The following RABGGTA variants were observed in gnomAD, a reference collection of about 807,000 sequenced individuals.
The protein encoded by RABGGTA is geranylgeranyl transferase type-2 subunit alpha.
Under a neutral mutation model 83.3 loss-of-function variants are expected in RABGGTA, and 69 were observed. That is an observed-to-expected ratio of 0.83 (90% CI 0.68 to 1.01). The LOEUF is 1.01. Ranked by LOEUF, RABGGTA falls within the 50% of genes least tolerant of loss-of-function variation. The pLI is 0.00. For synonymous variants in RABGGTA, 310 were observed against 299.8 expected, an observed-to-expected ratio of 1.03 and a Z score of -0.35; for missense variants, 681 against 712.7, an observed-to-expected ratio of 0.96 and a Z score of 0.51.
rs767631606 is a variant in RABGGTA, at chr14:24,270,327, T to C, written c.239+7A>G. On this transcript the variant is annotated splice_region_variant and intron_variant, in intron 4 of 16. Transcript: ENST00000216840. ...GCAGTCTTCTGAGATCCTGAATCCC[T>C]ACGCACTTCTGAGTCTCCAGCTGCT... 2 of 1,613,048 alleles carry C rather than the reference T, an allele frequency of 1.2e-6. No homozygotes were observed. Among genetic ancestry groups the C allele is most frequent in the East Asian group, 4.5e-5 (2 of 44,840 alleles).
In RABGGTA at chr14:24,267,729, C is replaced by T. The variant is rs1284125565; in HGVS notation, c.1284G>A (p.Lys428=). Residue 428 remains lysine, a synonymous_variant, in exon 14 of 17, where the codon AAG becomes AAA. Transcript: ENST00000216840. The part of the protein sequence containing the change: ...RATYLDDLRS[K]FLLENSVLKM... ...TGAGCACGCTATTCTCCAGCAAGAA[C>T]TTGCTGCGCAGGTCATCCAGATACG... 1.9e-6 allele frequency: 3 copies of T among 1,612,040 alleles called. No individual in the cohort carries two copies. The highest frequency in any genetic ancestry group is 1.7e-6 in the Non-Finnish European group (2 of 1,179,854).
chr14:24,268,977 T>C lies in RABGGTA; in HGVS notation c.732A>G (p.Ala244=). Residue 244 remains alanine, a synonymous_variant, in exon 8 of 17, where the codon GCA becomes GCG. Transcript: ENST00000216840. ...WLLGRADPQD[A]LRCLHVSRDE... is the part of the protein sequence containing the mutation. ...CCCGGCTCACATGCAGGCAGCGCAG[T>C]GCATCCTGGGGGTCAGCTGCGGGGA... 5 of 1,586,858 alleles carry C rather than the reference T, an allele frequency of 3.2e-6. No individual in the cohort carries two copies. Among genetic ancestry groups the C allele is most frequent in the Non-Finnish European group, 3.4e-6 (4 of 1,165,546 alleles).
In RABGGTA at chr14:24,267,669, C is replaced by T; in HGVS notation, c.1344G>A (p.Leu448=). Residue 448 remains leucine (L), a synonymous_variant, in exon 14 of 17, where the codon CTG becomes CTA. Coordinates refer to ENST00000216840, the MANE Select transcript of RABGGTA (RefSeq NM_182836.3). ...GCATGGCAGCCCATACCTTGTGAGCCAGGTGCAGCACACGCACCTCGGCAT... is the reference window on the plus strand; with the variant it reads ...GCATGGCAGCCCATACCTTGTGAGCTAGGTGCAGCACACGCACCTCGGCAT... ...MEYAEVRVLH[L]AHKDLTVLCH... 1 of 1,610,548 alleles carries T rather than the reference C, an allele frequency of 6.2e-7. No homozygotes were observed. Among genetic ancestry groups the T allele is most frequent in the African/African-American group, 1.3e-5 (1 of 74,912 alleles).
At chr14:24,269,804 C>T (rs140037929) in intron 5 of RABGGTA, 110 bp from the exon 6 acceptor site, 92 of 1,429,640 alleles carry the variant, frequency 6.4e-5, no homozygotes, top group African/African-American at 5.8e-4. Flanking sequence ...GTGCACTCCA[C>T]GGAGGATGCA....
At chr14:24,271,000 T>C in intron 2 of RABGGTA, 53 bp from the exon 3 acceptor site, 1 of 1,604,556 alleles carries the variant, frequency 6.2e-7, no homozygotes, top group African/African-American at 1.3e-5. Flanking sequence ...GAAGCTGACC[T>C]GCAAAAACCC....
rs758836110 is a variant in RABGGTA, at chr14:24,267,929, G to T, written c.1177C>A (p.Arg393=). The T allele has an allele frequency of 6.2e-7, 1 of 1,613,766 alleles. No homozygotes were observed. The highest frequency in any genetic ancestry group is 1.1e-5 in the South Asian group (1 of 91,058). Residue 393 remains arginine (R), a synonymous_variant, in exon 13 of 17, where the codon CGG becomes AGG. Coordinates refer to ENST00000216840, the MANE Select transcript of RABGGTA (RefSeq NM_182836.3). ...WCLLTIILLM[R]ALDPLLYEKE... is the part of the protein sequence containing the mutation. ...TCATACAGCAGGGGGTCCAGTGCCCGCATCAGCAGGATGATGGTAAGCAGG... is the reference window on the plus strand; with the variant it reads ...TCATACAGCAGGGGGTCCAGTGCCCTCATCAGCAGGATGATGGTAAGCAGG...
chr14:24,269,951 A>G lies in RABGGTA; in HGVS notation c.427+2T>C. 3 of 1,613,074 alleles carry G rather than the reference A, an allele frequency of 1.9e-6. No homozygotes were observed. Among genetic ancestry groups the G allele is most frequent in the Non-Finnish European group, 2.5e-6 (3 of 1,179,682 alleles). ...GTGGGGACAGAATCTGCAGCCACGT[A>G]CAGTTCCGCTCATCCACCTCCAGGA... is the stretch of plus-strand genomic sequence containing the variant. On this transcript the variant is annotated splice_donor_variant, in intron 5 of 16. Coordinates refer to ENST00000216840, the MANE Select transcript of RABGGTA (RefSeq NM_182836.3). LOFTEE classifies it high-confidence loss of function.
At chr14:24,269,837 G>A (rs2295314) in intron 5 of RABGGTA, 116 bp downstream of exon 5, 198,309 of 1,443,506 alleles carry the variant, frequency 0.14, 15,270 homozygotes, top group African/African-American at 0.28. Context: ...ATCCCTTTCA[G>A]CACCAGCTCA....
At chr14:24,271,331 T>C (rs1208571060) in intron 1 of RABGGTA, 156 bp downstream of exon 1, 5 of 493,554 alleles carry the variant, frequency 1.0e-5, no homozygotes, top group Non-Finnish European at 1.7e-5. Flanking sequence ...GGACTAGGAC[T>C]TCCATCCGTG....
chr14:24,266,955 A>AGC, intron 14 of RABGGTA, 66 bp from the exon 15 acceptor site: 2 of 1,172,952 alleles, frequency 1.7e-6, no homozygotes, highest in East Asian at 4.7e-5. Flanking sequence ...GTCCTCGGCC[A>AGC]GCATTTATTA....
At chr14:24,267,138 G>A (rs1470820494) in intron 14 of RABGGTA, among the ~76,000 whole-genome samples, 1 of 152,170 alleles carries the variant, frequency 6.6e-6, no homozygotes, top group Non-Finnish European at 1.5e-5. Context: ...GAGTTCGGAG[G>A]TACAGGGGCC....
In RABGGTA at chr14:24,266,792, G is replaced by T; in HGVS notation, c.1451C>A (p.Ala484Asp). The T allele has an allele frequency of 6.2e-7, 1 of 1,613,484 alleles. No individual in the cohort carries two copies. The highest frequency in any genetic ancestry group is 8.5e-7 in the Non-Finnish European group (1 of 1,179,464). The change falls in exon 15 of 17, where the codon GCC becomes GAC. Residue 484 changes from alanine to aspartate, a missense_variant. By Grantham distance (126) the Ala-to-Asp change is moderately radical. Around this residue, in one of 5 missense-constraint regions of RABGGTA, gnomAD observed 421 missense variants for 418.5 expected, o/e 1.01. Coordinates refer to ENST00000216840, the MANE Select transcript of RABGGTA (RefSeq NM_182836.3). The stretch of plus-strand genomic sequence containing the variant: ...GTACTTTACCTCAAGGCAGCGCAGG[G>T]CAGCCAGTGCAGGTGGCAGGGTTCG... ...RLRTLPPALA[A>D]LRCLEVLQAS...
At chr14:24,266,585 G>T in intron 15 of RABGGTA, 68 bp from the exon 16 acceptor site, 1 of 1,470,208 alleles carries the variant, frequency 6.8e-7, no homozygotes. Flanking sequence ...CAACTGAGGA[G>T]CTCAGGGTGA....
At chr14:24,269,456 G>A in intron 6 of RABGGTA, 35 bp downstream of exon 6, 1 of 1,529,790 alleles carries the variant, frequency 6.5e-7, no homozygotes, top group African/African-American at 1.4e-5. Flanking sequence ...GGGTGGCACT[G>A]CAGAGTCCTC....
rs769186390 is a variant in RABGGTA at position 24,265,741 on chromosome 14, G to A, written c.1578C>T (p.Leu526=). 6.2e-7 allele frequency: 1 copy of A among 1,610,722 alleles called. No homozygotes were observed. Among genetic ancestry groups the A allele is most frequent in the Non-Finnish European group, 8.5e-7 (1 of 1,178,666 alleles). ...GCCTGGGGCAGGAGGCAAGAGGCTG[G>A]AGCACTGCAGGCTGCTGGAGGCCTT... ...CNNRLQQPAV[L]QPLASCPRLV... The change falls in exon 17 of 17, where the codon CTC becomes CTT. Residue 526 remains leucine, a synonymous_variant. Transcript: ENST00000216840.
rs1441569785 is a variant in RABGGTA at position 24,265,652 on chromosome 14, G to C, written c.1667C>G (p.Ala556Gly). The C allele has an allele frequency of 6.2e-7, 1 of 1,613,770 alleles. No individual in the cohort carries two copies. Reference sequence around the variant, plus strand: ...GCTGCTAACTGAAGGCAGCAGTTCAGCCAGTTGCTCCAAGATGCCCACCGC... The same window carrying C: ...GCTGCTAACTGAAGGCAGCAGTTCACCCAGTTGCTCCAAGATGCCCACCGC... ...CQAVGILEQLAELLPSVSSVL... is the reference protein window; with the variant it reads ...CQAVGILEQLGELLPSVSSVL... Residue 556 changes from alanine to glycine, a missense_variant, in exon 17 of 17, where the codon GCT (alanine) becomes GGT (glycine). By Grantham distance (60) the Ala-to-Gly change is moderately conservative (BLOSUM62 0). Around this residue, in one of 5 missense-constraint regions of RABGGTA, gnomAD observed 421 missense variants for 418.5 expected, o/e 1.01. Transcript: ENST00000216840.
rs1196131698 is a variant in RABGGTA, at chr14:24,270,519, C to T, written c.115-61G>A. On this transcript the variant is annotated intron_variant, in intron 3 of 16. Transcript: ENST00000216840. ...ATTTTCCCACTACAGGACTAAATAA[C>T]GTAAACTTAAAACCATCCAATATTC... is the stretch of plus-strand genomic sequence containing the variant. 5.0e-6 allele frequency: 8 copies of T among 1,592,984 alleles called. No homozygotes were observed. In the Admixed American group the frequency reaches 6.7e-5, roughly 13 times the overall value.
rs1131225 is a variant in RABGGTA, at chr14:24,269,084, G to A, written c.711C>T (p.Gly237=). 1.9e-6 allele frequency: 3 copies of A among 1,607,668 alleles called. No homozygotes were observed. In the East Asian group the frequency reaches 6.7e-5, roughly 36 times the overall value. The change falls in exon 7 of 17, where the codon GGC becomes GGT. Residue 237 remains glycine, a synonymous_variant. Coordinates refer to ENST00000216840, the MANE Select transcript of RABGGTA (RefSeq NM_182836.3). ...SAWFYHRWLL[G]RADPQDALRC... is the part of the protein sequence containing the mutation. ...GCCCCTTTCCTCATTGCTCACCTCG[G>A]CCTAGGAGCCAACGGTGATAAAACC...
At chr14:24,267,554 T>C in intron 14 of RABGGTA, 106 bp downstream of exon 14, 1 of 827,232 alleles carries the variant, frequency 1.2e-6, no homozygotes, top group Non-Finnish European at 1.9e-6. Context: ...ATGAACTCTA[T>C]CTTGATTGGA....
Sources: gnomAD v4.1 joint callset for allele counts (sites outside exome capture counted in the v4.1 genomes callset) on GRCh38, gnomAD v4.1.1 for gene constraint, gnomAD v4.1.1 regional missense constraint, MANE v1.5 for transcripts, NCBI Gene and HGNC (gene_info 2026-07-23, HGNC 2026-07-21) for gene names.